The following ZCWPW2 variants were observed in gnomAD, a reference collection of about 807,000 sequenced individuals.
The protein encoded by ZCWPW2 is zinc finger CW-type PWWP domain protein 2.
ZCWPW2 carries 45 observed loss-of-function variants against 46.6 expected under a neutral mutation model. The observed-to-expected ratio is 0.96, with a 90% CI of 0.76 to 1.24. The LOEUF (loss-of-function observed/expected upper bound fraction) is 1.24, where lower values mean the gene tolerates loss of function less well. ZCWPW2 is among the 50% of genes most tolerant of loss of function. The probability of loss-of-function intolerance (pLI) is 0.00; values close to 1 mark genes in which losing one functional copy is unlikely to be tolerated. For missense variants in ZCWPW2, 429 were observed against 403.9 expected, an observed-to-expected ratio of 1.06 and a Z score of -0.53; for synonymous variants, 152 against 137.1, an observed-to-expected ratio of 1.11 and a Z score of -0.76.
At chr3:28,481,822 A>G (rs1186605898) in intron 5 of ZCWPW2, among the ~76,000 whole-genome samples, 3 of 152,212 alleles carry the variant, frequency 2.0e-5, no homozygotes, top group Non-Finnish European at 4.4e-5. Context: ...GCAAATAAGT[A>G]GGTTTGAAAA....
chr3:28,392,644 C>T (rs1695541244), intron 2 of ZCWPW2, among the ~76,000 whole-genome samples: 1 of 151,740 alleles, frequency 6.6e-6, no homozygotes, highest in South Asian at 2.1e-4. Context: ...AGATCAGGAA[C>T]CAATAACAGG....
intron 4 of ZCWPW2, among the ~76,000 whole-genome samples, chr3:28,439,613 T>A (rs1697665919): frequency 2.0e-5 from 3 of 152,082 alleles, no homozygotes. Flanking sequence ...TACATAATCT[T>A]CAAATAAAGA....
At chr3:28,501,015 A>G (rs544826499) in intron 6 of ZCWPW2, among the ~76,000 whole-genome samples, 1 of 152,274 alleles carries the variant, frequency 6.6e-6, no homozygotes, top group Non-Finnish European at 1.5e-5. Context: ...CAGGTATTCC[A>G]TCACCATTTT....
At chr3:28,470,617 A>C (rs1291735866) in intron 4 of ZCWPW2, among the ~76,000 whole-genome samples, 1 of 152,068 alleles carries the variant, frequency 6.6e-6, no homozygotes, top group East Asian at 1.9e-4. Context: ...GTTTATAGCC[A>C]TGAGTGCCTA....
At chr3:28,499,431 C>T (rs1283192845) in intron 6 of ZCWPW2, among the ~76,000 whole-genome samples, 1 of 152,064 alleles carries the variant, frequency 6.6e-6, no homozygotes, top group Non-Finnish European at 1.5e-5. Flanking sequence ...TGTTTGTTGG[C>T]CACATAAATG....
chr3:28,509,088 C>T (rs1700357944), intron 6 of ZCWPW2, among the ~76,000 whole-genome samples: 1 of 152,056 alleles, frequency 6.6e-6, no homozygotes. Flanking sequence ...ATAGATTTGC[C>T]TTTTTTAGAC....
At chr3:28,413,889 C>T (rs1046246773) in intron 3 of ZCWPW2, among the ~76,000 whole-genome samples, 11 of 152,014 alleles carry the variant, frequency 7.2e-5, no homozygotes. Context: ...ATTAATGTTT[C>T]ACAGTCATTT....
At chr3:28,379,967 T>G (rs1248509238) in intron 1 of ZCWPW2, among the ~76,000 whole-genome samples, 1 of 151,996 alleles carries the variant, frequency 6.6e-6, no homozygotes, top group Non-Finnish European at 1.5e-5. Context: ...ATGTTTAATT[T>G]TTTTATTTTT....
intron 1 of ZCWPW2, among the ~76,000 whole-genome samples, chr3:28,377,904 C>G (rs764043713): frequency 6.6e-6 from 1 of 152,024 alleles, no homozygotes; most frequent in Non-Finnish European, 1.5e-5. Flanking sequence ...TTACTTTTCC[C>G]TTGAAAATAT....
chr3:28,518,156 AT>A (rs1386183663), intron 8 of ZCWPW2, among the ~76,000 whole-genome samples: 5 of 150,282 alleles, frequency 3.3e-5, no homozygotes, highest in African/African-American at 1.2e-4. Flanking sequence ...AAAAAAAAAA[AT>A]CTAGATATGG....
At chr3:28,443,783 G>T (rs1038432109) in intron 4 of ZCWPW2, among the ~76,000 whole-genome samples, 3 of 152,132 alleles carry the variant, frequency 2.0e-5, no homozygotes, top group Admixed American at 6.5e-5. Context: ...CAATTACAGG[G>T]CTCCTCAAAA....
chr3:28,362,796 G>C (rs1264348519), intron 1 of ZCWPW2, among the ~76,000 whole-genome samples: 1 of 152,070 alleles, frequency 6.6e-6, no homozygotes, highest in Non-Finnish European at 1.5e-5. Context: ...GAGTAGCAAA[G>C]ACAATGAATC....
At chr3:28,477,845 A>C (rs1200020019) in intron 4 of ZCWPW2, among the ~76,000 whole-genome samples, 1 of 152,156 alleles carries the variant, frequency 6.6e-6, no homozygotes, top group Admixed American at 6.5e-5. Context: ...GATGGCATGC[A>C]TTTTATAAAT....
chr3:28,480,384 T>A (rs1216062553), intron 5 of ZCWPW2, among the ~76,000 whole-genome samples: 5 of 152,282 alleles, frequency 3.3e-5, no homozygotes, highest in South Asian at 4.1e-4. Context: ...ATTGTCTGTT[T>A]GTGTCCTTTG....
intron 4 of ZCWPW2, among the ~76,000 whole-genome samples, chr3:28,451,119 T>C (rs567150558): frequency 2.6e-5 from 4 of 152,126 alleles, no homozygotes; most frequent in Non-Finnish European, 5.9e-5. Context: ...TCAGCCTGGA[T>C]CCTGAGGGAC....
At chr3:28,501,867 G>A (rs1187128285) in intron 6 of ZCWPW2, among the ~76,000 whole-genome samples, 1 of 151,972 alleles carries the variant, frequency 6.6e-6, no homozygotes, top group Non-Finnish European at 1.5e-5. Flanking sequence ...TTCTGCCTCA[G>A]CCTCCCAAGT....
At chr3:28,359,946 AT>A (rs1161846805) in intron 1 of ZCWPW2, among the ~76,000 whole-genome samples, 1 of 152,180 alleles carries the variant, frequency 6.6e-6, no homozygotes, top group Non-Finnish European at 1.5e-5. Flanking sequence ...ATTAGAAATC[AT>A]TGAAATTTAT....
chr3:28,426,910 T>C (rs1385386847), intron 3 of ZCWPW2, among the ~76,000 whole-genome samples: 3 of 152,198 alleles, frequency 2.0e-5, no homozygotes, highest in Non-Finnish European at 4.4e-5. Flanking sequence ...GGGGCAATAA[T>C]TGTCTTATTA....
chr3:28,474,108 C>G (rs1425003629), intron 4 of ZCWPW2, among the ~76,000 whole-genome samples: 1 of 152,140 alleles, frequency 6.6e-6, no homozygotes, highest in African/African-American at 2.4e-5. Context: ...ACATTACATG[C>G]CTGTATCAAG....
Sources: allele counts gnomAD v4.1 joint callset (sites outside exome capture counted in the v4.1 genomes callset), GRCh38; gene constraint gnomAD v4.1.1; transcripts MANE v1.5; gene names NCBI Gene and HGNC (gene_info 2026-07-23, HGNC 2026-07-21).